The following RELN variants were observed in gnomAD, a reference collection of about 807,000 sequenced individuals.
RELN encodes the protein reelin.
RELN carries 108 observed loss-of-function variants against 427.6 expected under a neutral mutation model. The ratio of observed to expected loss-of-function variants is 0.25; its 90% CI spans 0.22 to 0.30. The LOEUF is 0.30. Ranked by LOEUF, RELN falls within the 10% of genes least tolerant of loss-of-function variation. The pLI is 1.00. For synonymous variants in RELN, 1,524 were observed against 1,513.4 expected (o/e 1.01, Z -0.16); for missense variants, 3,715 against 4,302.8 (o/e 0.86, Z 3.82).
At chr7:103,777,918 G>A (rs1024703082) in intron 3 of RELN, among the ~76,000 whole-genome samples, 2 of 49,974 alleles carry the variant, frequency 4.0e-5, no homozygotes, top group Non-Finnish European at 8.5e-5. Flanking sequence ...CACACACAAT[G>A]GCACAATAGT....
At chr7:103,589,849 A>G (rs779895077) in intron 27 of RELN, 21 bp from the exon 28 acceptor site, 1 of 1,505,192 alleles carries the variant, frequency 6.6e-7, no homozygotes, top group African/African-American at 1.4e-5. Flanking sequence ...GAAGGACAAG[A>G]ATTATACAAG....
intron 2 of RELN, among the ~76,000 whole-genome samples, chr7:103,878,493 G>C (rs1794535280): frequency 6.6e-6 from 1 of 152,112 alleles, no homozygotes; most frequent in South Asian, 2.1e-4. Context: ...TGTGATGGAG[G>C]GGTCACTGCC....
intron 46 of RELN, among the ~76,000 whole-genome samples, chr7:103,524,779 T>C (rs1428190519): frequency 6.6e-6 from 1 of 152,178 alleles, no homozygotes; most frequent in Non-Finnish European, 1.5e-5. Context: ...TCACCTGAAA[T>C]GAAGAGGTCA....
At chr7:103,773,203 C>A in intron 4 of RELN, among the ~76,000 whole-genome samples, 1 of 127,670 alleles carries the variant, frequency 7.8e-6, no homozygotes, top group South Asian at 2.6e-4. Context: ...TTCTTTCTCT[C>A]TCTCTCTCTC....
At position 103,652,634 on chromosome 7, in the gene RELN, G is replaced by C. The variant is rs773927672; in HGVS notation, c.1680C>G (p.Val560=). ...ACATTGTAGAAGGGAGAACAGGCAAGACATGGAAAAAGTCTACAGCCCAGA... is the reference window on the plus strand; with the variant it reads ...ACATTGTAGAAGGGAGAACAGGCAACACATGGAAAAAGTCTACAGCCCAGA... ...RNVWAVDFFH[V]LPVLPSTMSH... is the part of the protein sequence containing the mutation. Residue 560 remains valine, a synonymous_variant, in exon 14 of 65, where the codon GTC becomes GTG. Coordinates refer to ENST00000428762, the MANE Select transcript of RELN (RefSeq NM_005045.4). The C allele has an allele frequency of 6.2e-7, 1 of 1,612,954 alleles. No homozygotes were observed. Among genetic ancestry groups the C allele is most frequent in the Admixed American group, 1.7e-5 (1 of 59,834 alleles).
intron 43 of RELN, among the ~76,000 whole-genome samples, chr7:103,542,086 C>T (rs1015490081): frequency 2.0e-4 from 31 of 152,236 alleles, no homozygotes; most frequent in African/African-American, 5.5e-4. Flanking sequence ...GTTAAGTTTT[C>T]GGCCCATCAA....
intron 25 of RELN, among the ~76,000 whole-genome samples, 166 bp from the exon 26 acceptor site, chr7:103,594,658 C>T (rs925075452): frequency 2.0e-5 from 3 of 152,166 alleles, no homozygotes; most frequent in Admixed American, 1.3e-4. Context: ...GAGGTTTAAC[C>T]TTGTAGGCAG....
intron 3 of RELN, among the ~76,000 whole-genome samples, chr7:103,800,483 G>C (rs1325654349): frequency 6.6e-6 from 1 of 152,178 alleles, no homozygotes; most frequent in Non-Finnish European, 1.5e-5. Flanking sequence ...ATGGGGAAAG[G>C]ATTCCCTATT....
At position 103,570,954 on chromosome 7, in the gene RELN, C is replaced by T. The variant is rs149825845; in HGVS notation, c.4588+1230G>A. Among the ~76,000 whole-genome samples the T allele has an allele frequency of 8.9e-4, 135 of 152,222 alleles. 1 individual carries two copies. Among genetic ancestry groups the T allele is most frequent in the African/African-American group, 3.1e-3 (130 of 41,538 alleles). ...ACCTAGAACAATGTCTGGCTTAGAA[C>T]AGATTCTTAATAAATATTTATTGAA... is the stretch of plus-strand genomic sequence containing the variant. On this transcript the variant is annotated intron_variant, in intron 31 of 64. Transcript: ENST00000428762.
intron 46 of RELN, among the ~76,000 whole-genome samples, chr7:103,534,294 G>A (rs1359601894): frequency 6.6e-6 from 1 of 152,176 alleles, no homozygotes; most frequent in Admixed American, 6.5e-5. Flanking sequence ...GGAGGAAATA[G>A]GAGTTTCTAT....
intron 6 of RELN, among the ~76,000 whole-genome samples, chr7:103,743,696 T>G (rs978033398): frequency 6.6e-6 from 1 of 152,162 alleles, no homozygotes; most frequent in Non-Finnish European, 1.5e-5. Flanking sequence ...AGGGATCAAT[T>G]CAACAAGAAG....
intron 1 of RELN, among the ~76,000 whole-genome samples, chr7:103,926,925 G>A (rs951970367): frequency 1.8e-4 from 27 of 152,184 alleles, no homozygotes; most frequent in Non-Finnish European, 3.5e-4. Context: ...GATTACAGGC[G>A]TGAGCCACCG....
chr7:103,490,562 T>G (rs1302976774), intron 59 of RELN, 106 bp downstream of exon 59: 1 of 1,199,228 alleles, frequency 8.3e-7, no homozygotes, highest in African/African-American at 1.5e-5. Context: ...GCACCAGGGC[T>G]GCATGTAAAG....
rs1554412822 is a variant in RELN at position 103,755,622 on chromosome 7, A to AAT, written c.545-2409_545-2408insAT. Among the ~76,000 whole-genome samples the AAT allele has an allele frequency of 1.5e-4, 10 of 66,536 alleles. 1 individual carries two copies. Among genetic ancestry groups the AAT allele is most frequent in the African/African-American group, 3.8e-4 (7 of 18,344 alleles). 43.7% of individuals were successfully genotyped at this position (66,536 alleles called of 152,430 possible). ...GACTCTGTCTCAAAAAAAAAATAAA[A>AAT]AAAATAAAATAAATAAAATAAAATA... On this transcript the variant is annotated intron_variant, in intron 4 of 64. Transcript: ENST00000428762.
chr7:103,802,539 A>G (rs1016483315), intron 3 of RELN, among the ~76,000 whole-genome samples: 2 of 152,186 alleles, frequency 1.3e-5, no homozygotes, highest in Non-Finnish European at 2.9e-5. Context: ...TAATTTAAAC[A>G]TAAAAGTGCT....
At chr7:103,532,184 T>C (rs1489984094) in intron 46 of RELN, among the ~76,000 whole-genome samples, 1 of 152,096 alleles carries the variant, frequency 6.6e-6, no homozygotes, top group African/African-American at 2.4e-5. Context: ...AGCAAACTAA[T>C]GCAGGAACAG....
Position 103,943,021 on chromosome 7 carries a change from T to C in RELN, c.227-25836A>G, listed in dbSNP as rs187416762. Among the ~76,000 whole-genome samples the C allele has an allele frequency of 2.8e-3, 433 of 152,290 alleles. 3 individuals are homozygous for C. Among genetic ancestry groups the C allele is most frequent in the African/African-American group, 9.1e-3 (380 of 41,556 alleles). On this transcript the variant is annotated intron_variant, in intron 1 of 64. Coordinates refer to ENST00000428762, the MANE Select transcript of RELN (RefSeq NM_005045.4). Reference sequence around the variant, plus strand: ...TCAAGAATCAAAACTCAAAGAATCATTTATACTTTTTGGTGTCACTGTACA... The same window carrying C: ...TCAAGAATCAAAACTCAAAGAATCACTTATACTTTTTGGTGTCACTGTACA...
intron 3 of RELN, among the ~76,000 whole-genome samples, chr7:103,831,651 T>C (rs1406377896): frequency 6.6e-6 from 1 of 152,026 alleles, no homozygotes; most frequent in Non-Finnish European, 1.5e-5. Flanking sequence ...GGAAAAAGCA[T>C]GGAGAAAGAA....
chr7:103,748,526 G>A (rs1345723361), intron 6 of RELN, among the ~76,000 whole-genome samples: 3 of 152,046 alleles, frequency 2.0e-5, no homozygotes, highest in African/African-American at 7.2e-5. Context: ...TTAAAGATGT[G>A]GTCTTAGTGT....
Sources: allele counts gnomAD v4.1 joint callset (sites outside exome capture counted in the v4.1 genomes callset), GRCh38; gene constraint gnomAD v4.1.1; transcripts MANE v1.5; gene names NCBI Gene and HGNC (gene_info 2026-07-23, HGNC 2026-07-21).